Variants in FBRSL1 observed in about 807,000 individuals in gnomAD.
FBRSL1 encodes fibrosin-1-like protein.
Under a neutral mutation model 89.6 loss-of-function variants are expected in FBRSL1, and 51 were observed. The observed-to-expected ratio is 0.57, with a 90% CI of 0.45 to 0.72. The LOEUF (loss-of-function observed/expected upper bound fraction) is 0.72, where lower values mean the gene tolerates loss of function less well. Ranked by LOEUF, FBRSL1 falls within the 30% of genes least tolerant of loss-of-function variation. FBRSL1 has a pLI of 0.00. For missense variants in FBRSL1, 1,618 were observed against 1,451.8 expected, an observed-to-expected ratio of 1.11 and a Z score of -1.86; for synonymous variants, 779 against 681.1, an observed-to-expected ratio of 1.14 and a Z score of -2.24.
intron 2 of FBRSL1, among the ~76,000 whole-genome samples, chr12:132,515,186 C>G (rs1222221179): frequency 6.6e-6 from 1 of 152,132 alleles, no homozygotes; most frequent in Non-Finnish European, 1.5e-5. Flanking sequence ...AGTGTCCTGC[C>G]GAGACCCAGG....
In FBRSL1 at chr12:132,582,056, C is replaced by G. The variant is rs1404798774; in HGVS notation, c.1997-6C>G. 1 of 1,543,576 alleles carries G rather than the reference C, an allele frequency of 6.5e-7. No individual in the cohort carries two copies. The highest frequency in any genetic ancestry group is 2.0e-5 in the Admixed American group (1 of 50,798). On this transcript the variant is annotated splice_region_variant and splice_polypyrimidine_tract_variant and intron_variant, in intron 17 of 18. Transcript: ENST00000680143. ...CAACCTCATGCTCCCCGGCCTCTGC[C>G]CCCAGCTCCCGGTGGCAGCATCTTT...
intron 1 of FBRSL1, among the ~76,000 whole-genome samples, chr12:132,500,087 T>A (rs2032720783): frequency 6.6e-6 from 1 of 152,142 alleles, no homozygotes. Flanking sequence ...ATCCGTGGTG[T>A]CTGGCTCAGG....
rs763654587 is a variant in FBRSL1 at position 132,527,963 on chromosome 12, A to T, written c.590A>T (p.His197Leu). 14 of 1,551,152 alleles carry T rather than the reference A, an allele frequency of 9.0e-6. No homozygotes were observed. The highest frequency in any genetic ancestry group is 1.2e-5 in the Non-Finnish European group (14 of 1,146,854). Reference sequence around the variant, plus strand: ...TCTTCCTTCCTGCAGAGCTCTGCGCATGCGGTCTCGGGGAGAGGCTACTCT... The same window carrying T: ...TCTTCCTTCCTGCAGAGCTCTGCGCTTGCGGTCTCGGGGAGAGGCTACTCT... The part of the protein sequence containing the change: ...SRDPLSDSSA[H>L]AVSGRGYSCD... The change falls in exon 4 of 19, where the codon CAT (histidine) becomes CTT (leucine). Residue 197 changes from histidine (H) to leucine (L), a missense_variant. Coordinates refer to ENST00000680143, the MANE Select transcript of FBRSL1 (RefSeq NM_001367871.1).
intron 1 of FBRSL1, among the ~76,000 whole-genome samples, chr12:132,493,963 A>G (rs2031566432): frequency 6.7e-6 from 1 of 150,356 alleles, no homozygotes. Flanking sequence ...CTGCCCATAG[A>G]GATGGGAGCC....
Position 132,581,722 on chromosome 12 carries a change from C to T in FBRSL1, c.1913-19C>T, listed in dbSNP as rs1434738513. 3 of 1,549,762 alleles carry T rather than the reference C, an allele frequency of 1.9e-6. No individual in the cohort carries two copies. The South Asian group carries it at 3.6e-5, about 18-fold the overall frequency. On this transcript the variant is annotated intron_variant, in intron 16 of 18. Coordinates refer to ENST00000680143, the MANE Select transcript of FBRSL1 (RefSeq NM_001367871.1). ...GCCCACGCCTCACAGACCTCTGGGT[C>T]CCGCGGTTGCCCCCACAGACCCTTT...
chr12:132,566,316 C>T (rs2039609778), intron 5 of FBRSL1: 1 of 151,860 alleles, frequency 6.6e-6, no homozygotes, highest in African/African-American at 2.4e-5. Context: ...CTTCCACCTC[C>T]TGATCCCATC....
chr12:132,523,750 T>C (rs568725020), intron 2 of FBRSL1, among the ~76,000 whole-genome samples: 1 of 152,218 alleles, frequency 6.6e-6, no homozygotes, highest in Admixed American at 6.5e-5. Flanking sequence ...AGGGGGCCGG[T>C]GATACACGGT....
At chr12:132,574,615 G>A in intron 14 of FBRSL1, 51 bp downstream of exon 14, 1 of 1,530,714 alleles carries the variant, frequency 6.5e-7, no homozygotes, top group Non-Finnish European at 8.8e-7. Context: ...ACTCCAGCCT[G>A]GTCGGGCCCT....
In FBRSL1 at chr12:132,490,519, A is replaced by C; in HGVS notation, c.-52A>C. 1 of 970,470 alleles carries C rather than the reference A, an allele frequency of 1.0e-6. No individual in the cohort carries two copies. Among genetic ancestry groups the C allele is most frequent in the Non-Finnish European group, 1.2e-6 (1 of 819,682 alleles). The allele number at this position is 970,470 out of a possible 1,614,324, so 60.1% of individuals were successfully genotyped here. The stretch of plus-strand genomic sequence containing the variant: ...TAGCCGAGGGAGCCCGCCTGCTGCG[A>C]GCCAGGCGCGGGGCGTCAAGGTCAC... On this transcript the variant is annotated 5_prime_UTR_variant, in exon 1 of 19. Transcript: ENST00000680143.
At chr12:132,572,380 T>C (rs1296408451) in intron 10 of FBRSL1, 36 bp downstream of exon 10, 1 of 1,548,114 alleles carries the variant, frequency 6.5e-7, no homozygotes. Flanking sequence ...CGTGTCGCTG[T>C]GCACGCAGGT....
Position 132,570,387 on chromosome 12 carries a change from C to T in FBRSL1, c.1060C>T (p.His354Tyr), listed in dbSNP as rs1425539160. The T allele has an allele frequency of 6.5e-7, 1 of 1,534,334 alleles. No individual in the cohort carries two copies. The highest frequency in any genetic ancestry group is 8.7e-7 in the Non-Finnish European group (1 of 1,145,586). ...GGGGAAGCACGTGTCGCTGTCGCCACACGGGCCGGGCCCCCACCTGTCTAC... is the reference window on the plus strand; with the variant it reads ...GGGGAAGCACGTGTCGCTGTCGCCATACGGGCCGGGCCCCCACCTGTCTAC... ...GLGKHVSLSP[H>Y]GPGPHLSTSH... Residue 354 changes from histidine to tyrosine, a missense_variant, in exon 8 of 19, where the codon CAC becomes TAC. Transcript: ENST00000680143.
At chr12:132,510,425 A>T in intron 2 of FBRSL1, 1 of 1,231,826 alleles carries the variant, frequency 8.1e-7, no homozygotes, top group East Asian at 3.2e-5. Flanking sequence ...GTCAGGCCCC[A>T]TCTGTGAGCC....
intron 4 of FBRSL1, among the ~76,000 whole-genome samples, chr12:132,536,209 TGTGA>T (rs2036726998): frequency 6.6e-6 from 1 of 151,352 alleles, no homozygotes. Context: ...TGATAGTGTG[TGTGA>T]GTGCACGTGT....
At chr12:132,497,209 C>T (rs1353270500) in intron 1 of FBRSL1, among the ~76,000 whole-genome samples, 2 of 152,236 alleles carry the variant, frequency 1.3e-5, no homozygotes, top group Non-Finnish European at 2.9e-5. Context: ...GGTCCCAGCA[C>T]TCCAGCCCAT....
chr12:132,558,798 G>C (rs1311317105), intron 5 of FBRSL1, among the ~76,000 whole-genome samples: 1 of 152,256 alleles, frequency 6.6e-6, no homozygotes. Context: ...TCCAAGCCCA[G>C]AAATAGAAAC....
In FBRSL1 at chr12:132,583,641, C is replaced by T. The variant is rs2040950896; in HGVS notation, c.2872C>T (p.Pro958Ser). Residue 958 changes from proline to serine, a missense_variant, in exon 19 of 19, where the codon CCC becomes TCC. Coordinates refer to ENST00000680143, the MANE Select transcript of FBRSL1 (RefSeq NM_001367871.1). Reference sequence around the variant, plus strand: ...CGCCGCCGCCCTCGGCGCACCGCCCCCCCTGGTGACGGCGGCCGGGCCCCC... The same window carrying T: ...CGCCGCCGCCCTCGGCGCACCGCCCTCCCTGGTGACGGCGGCCGGGCCCCC... The part of the protein sequence containing the change: ...PAAAALGAPP[P>S]LVTAAGPPTP... 3 of 1,011,998 alleles carry T rather than the reference C, an allele frequency of 3.0e-6. No homozygotes were observed. The highest frequency in any genetic ancestry group is 8.9e-5 in the East Asian group (1 of 11,272). The allele number at this position is 1,011,998 out of a possible 1,614,324, so 62.7% of individuals were successfully genotyped here.
rs553387706 is a variant in FBRSL1, at chr12:132,556,587, A to G, written c.645+8555A>G. On this transcript the variant is annotated intron_variant, in intron 5 of 18. Coordinates refer to ENST00000680143, the MANE Select transcript of FBRSL1 (RefSeq NM_001367871.1). ...CCTGTCCTGTGGGACGCTCCTCTCC[A>G]GGCCTTCCTGCTGCCCCCGCCACCC... Among the ~76,000 whole-genome samples the G allele has an allele frequency of 3.3e-5, 3 of 89,618 alleles. No homozygotes were observed. In the South Asian group the frequency reaches 1.2e-3, roughly 36 times the overall value. 58.8% of individuals were successfully genotyped at this position (89,618 alleles called of 152,430 possible). A position where few individuals can be genotyped will look rare whatever the true frequency, so the allele number is the denominator to read the frequency against.
chr12:132,538,533 C>T (rs535552144), intron 4 of FBRSL1, among the ~76,000 whole-genome samples: 12 of 152,300 alleles, frequency 7.9e-5, no homozygotes, highest in Middle Eastern at 3.4e-3. Context: ...GCCACGGGGC[C>T]GCCACGTGGC....
intron 1 of FBRSL1, among the ~76,000 whole-genome samples, chr12:132,498,024 C>G (rs961569715): frequency 3.3e-5 from 5 of 152,160 alleles, no homozygotes; most frequent in African/African-American, 4.8e-5. Context: ...CTGGCCTGCA[C>G]CCCTGGGAGA....
Sources: allele counts gnomAD v4.1 joint callset (sites outside exome capture counted in the v4.1 genomes callset), GRCh38; gene constraint gnomAD v4.1.1; transcripts MANE v1.5; gene names NCBI Gene and HGNC (gene_info 2026-07-23, HGNC 2026-07-21).